TPM4: variants seen among roughly 807,000 people sequenced by gnomAD.
TPM4 encodes tropomyosin 4, also known as tropomyosin alpha-4 chain.
A neutral mutation model predicts 35.8 loss-of-function variants in TPM4; 17 were observed. The observed-to-expected ratio is 0.47, with a 90% CI of 0.32 to 0.71. TPM4 has a LOEUF of 0.71. Ranked by LOEUF, TPM4 falls within the 30% of genes least tolerant of loss-of-function variation. TPM4 has a pLI of 0.03. For synonymous variants in TPM4, 120 were observed against 122.9 expected (o/e 0.98, Z 0.15); for missense variants, 240 against 320.9 (o/e 0.75, Z 1.93).
At chr19:16,100,469 C>G (rs770363047) in intron 7 of TPM4, 7 of 152,176 alleles carry the variant, frequency 4.6e-5, no homozygotes, top group Non-Finnish European at 7.3e-5. Context: ...AACTGTGACT[C>G]CCAAATTTGG....
intron 2 of TPM4, among the ~76,000 whole-genome samples, chr19:16,085,209 C>T (rs894068058): frequency 6.6e-6 from 1 of 152,078 alleles, no homozygotes; most frequent in African/African-American, 2.4e-5. Context: ...GCTATGATTA[C>T]ACCACTACAC....
upstream of TPM4, chr19:16,076,384 C>T: frequency 1.4e-6 from 2 of 1,396,496 alleles, no homozygotes; most frequent in Non-Finnish European, 9.2e-7. Context: ...GTGCTGACGT[C>T]GGCGGTCCGG....
chr19:16,089,896 T>C (rs2090604799), intron 5 of TPM4, among the ~76,000 whole-genome samples: 1 of 152,002 alleles, frequency 6.6e-6, no homozygotes, highest in African/African-American at 2.4e-5. Context: ...TCTCACTCTG[T>C]CACCCAGGCT....
intron 1 of TPM4, chr19:16,080,155 G>A (rs941231788): frequency 2.0e-5 from 4 of 196,288 alleles, no homozygotes; most frequent in African/African-American, 9.2e-5. Context: ...TGGAAAACTC[G>A]CCTTGCCTCG....
chr19:16,076,415 G>A (rs893284550), upstream of TPM4: 1 of 1,356,524 alleles, frequency 7.4e-7, no homozygotes, highest in Non-Finnish European at 9.4e-7. Flanking sequence ...TCATCGCCCC[G>A]ACGGCAGCCG....
At chr19:16,068,425 G>T (rs960638474) in intron 2 of TPM4, among the ~76,000 whole-genome samples, 1 of 152,032 alleles carries the variant, frequency 6.6e-6, no homozygotes, top group African/African-American at 2.4e-5. Context: ...ATCCGCCCGC[G>T]TCTGCCTCCC....
chr19:16,083,677 T>A (rs2090513337), intron 2 of TPM4, among the ~76,000 whole-genome samples: 1 of 145,110 alleles, frequency 6.9e-6, no homozygotes, highest in East Asian at 1.9e-4. Flanking sequence ...TCATCGCGTC[T>A]GCCCCTCATT....
rs1040330317 is a variant in TPM4 at position 16,076,727 on chromosome 19, C to T, written c.132+30C>T. ...GCGCCCCGGCCTCGGGCCCCGCACC[C>T]GCAGCCTCCTCCCCCGCGCGCCCTC... On this transcript the variant is annotated intron_variant, in intron 1 of 7. Transcript: ENST00000643579. The T allele has an allele frequency of 5.4e-6, 7 of 1,300,896 alleles. No individual in the cohort carries two copies. In the Admixed American group the frequency reaches 1.3e-4, roughly 23 times the overall value. The allele number at this position is 1,300,896 out of a possible 1,614,324, so 80.6% of individuals were successfully genotyped here. A position where few individuals can be genotyped will look rare whatever the true frequency, so the allele number is the denominator to read the frequency against.
At position 16,102,180 on chromosome 19, in the gene TPM4, C is replaced by G. The variant is rs1233317199; in HGVS notation, c.*834C>G. 1 of 187,046 alleles carries G rather than the reference C, an allele frequency of 5.3e-6. No homozygotes were observed. Among genetic ancestry groups the G allele is most frequent in the African/African-American group, 2.3e-5 (1 of 42,694 alleles). The allele number at this position is 187,046 out of a possible 1,614,324, so 11.6% of individuals were successfully genotyped here. A position where few individuals can be genotyped will look rare whatever the true frequency, so the allele number is the denominator to read the frequency against. ...CAGCCAACATGGCGAAACCATGTCT[C>G]TACTAAAAATACAAAAATTATGGTG... On this transcript the variant is annotated 3_prime_UTR_variant, in exon 8 of 8. Coordinates refer to ENST00000643579, the MANE Select transcript of TPM4 (RefSeq NM_003290.3).
intron 3 of TPM4, among the ~76,000 whole-genome samples, 190 bp downstream of exon 3, chr19:16,086,730 C>T (rs949868324): frequency 7.2e-5 from 11 of 152,276 alleles, no homozygotes; most frequent in Non-Finnish European, 1.2e-4. Context: ...GAAAGTGCTG[C>T]GGACGCTTGT....
upstream of TPM4, chr19:16,074,177 A>G (rs2090383019): frequency 1.3e-5 from 2 of 151,934 alleles, no homozygotes; most frequent in Admixed American, 1.3e-4. Context: ...CAAGAAAAAA[A>G]AGAAGAGAAG....
intron 4 of TPM4, chr19:16,088,749 T>C: frequency 1.7e-6 from 2 of 1,151,594 alleles, no homozygotes; most frequent in Non-Finnish European, 2.2e-6. Flanking sequence ...GCCTCATCAA[T>C]CATAGATTTC....
In TPM4 at chr19:16,087,969, A is replaced by T. The variant is rs113423795; in HGVS notation, c.385-58A>T. The T allele has an allele frequency of 1.4e-5, 22 of 1,564,146 alleles. No individual in the cohort carries two copies. The East Asian group carries it at 4.6e-4, about 33-fold the overall frequency. ...CATCATTGGGGGCTGTCTGCAGTGG[A>T]TGGGAGAGGACACGGCTGGTGGGGA... On this transcript the variant is annotated intron_variant, in intron 3 of 7. Transcript: ENST00000643579.
At chr19:16,101,171 A>G (rs2090759387) in intron 7 of TPM4, 93 bp from the exon 8 acceptor site, 1 of 1,120,716 alleles carries the variant, frequency 8.9e-7, no homozygotes, top group Admixed American at 3.1e-5. Flanking sequence ...ACCCTGTCTC[A>G]AGAAGAAGAA....
chr19:16,097,014 C>T lies in TPM4; in HGVS notation c.664+3261C>T, dbSNP rs547013170. Among the ~76,000 whole-genome samples, 717 of 125,016 alleles carry T rather than the reference C, an allele frequency of 5.7e-3. 3 individuals are homozygous for T. Among genetic ancestry groups the T allele is most frequent in the South Asian group, 8.7e-3 (32 of 3,686 alleles). 82.0% of individuals were successfully genotyped at this position (125,016 alleles called of 152,430 possible). ...TGTTGCCCGGGCTGGAGTGCAGTGG[C>T]GCCATCTTGGCTCACTGCAACCTCC... is the stretch of plus-strand genomic sequence containing the variant. On this transcript the variant is annotated intron_variant, in intron 7 of 7. Transcript: ENST00000643579.
At chr19:16,083,518 TCTC>T (rs1431219190) in intron 2 of TPM4, among the ~76,000 whole-genome samples, 7 of 152,088 alleles carry the variant, frequency 4.6e-5, no homozygotes, top group South Asian at 2.1e-4. Context: ...TAGGGTGCCT[TCTC>T]CTCGGTAGCC....
chr19:16,102,437 G>T lies in TPM4; in HGVS notation c.*1091G>T, dbSNP rs963593734. On this transcript the variant is annotated 3_prime_UTR_variant, in exon 8 of 8. Coordinates refer to ENST00000643579, the MANE Select transcript of TPM4 (RefSeq NM_003290.3). ...TATGGTGGAGTTCAGTCCAATTCAG[G>T]TCAGCCATATCCAAAAGACCACAAG... 5.8e-5 allele frequency: 13 copies of T among 223,154 alleles called. No homozygotes were observed. The highest frequency in any genetic ancestry group is 2.2e-4 in the African/African-American group (10 of 44,882). The allele number at this position is 223,154 out of a possible 1,614,324, so 13.8% of individuals were successfully genotyped here. A position where few individuals can be genotyped will look rare whatever the true frequency, so the allele number is the denominator to read the frequency against.
rs952822418 is a variant in TPM4, at chr19:16,070,577, A to G, written c.114+2839A>G. ...ATGGCTCAGTCGCTAGGTGTCCCGG[A>G]CGCCTGCATGAGTGAGATACGGAAG... On this transcript the variant is annotated intron_variant, in intron 2 of 2. Coordinates refer to the TPM4 transcript ENST00000589897. This position sits in a 1 kb window ranked among gnomAD's most constrained non-coding sequence, Gnocchi z 7.4. Among the ~76,000 whole-genome samples the G allele has an allele frequency of 3.3e-5, 5 of 152,166 alleles. No homozygotes were observed. In the East Asian group the frequency reaches 7.7e-4, roughly 23 times the overall value.
chr19:16,089,857 T>C (rs148206605), intron 5 of TPM4, among the ~76,000 whole-genome samples: 81 of 151,926 alleles, frequency 5.3e-4, no homozygotes, highest in African/African-American at 1.9e-3. Flanking sequence ...TCAGCCTTTT[T>C]TTTTCTTTTC....
Sources: allele counts gnomAD v4.1 joint callset (sites outside exome capture counted in the v4.1 genomes callset), GRCh38; gene constraint gnomAD v4.1.1; non-coding constraint Gnocchi (gnomAD v3.1); transcripts MANE v1.5; gene names NCBI Gene and HGNC (gene_info 2026-07-23, HGNC 2026-07-21).